The following EMID1 variants were observed in gnomAD, a reference collection of about 807,000 sequenced individuals.
EMID1 encodes the protein EMI domain containing 1, also known as EMI domain-containing protein 1.
A neutral mutation model predicts 60.6 loss-of-function variants in EMID1; 40 were observed. That is an observed-to-expected ratio of 0.66 (90% CI 0.51 to 0.86). The LOEUF (loss-of-function observed/expected upper bound fraction) is 0.86. Among genes scored for constraint, EMID1 ranks in the 40% least tolerant of loss-of-function variants. The pLI is 0.00. For missense variants in EMID1, 585 were observed against 597.1 expected (o/e 0.98, Z 0.21); for synonymous variants, 242 against 231.0 (o/e 1.05, Z -0.43).
intron 3 of EMID1, among the ~76,000 whole-genome samples, chr22:29,218,662 G>A (rs1208529458): frequency 1.3e-5 from 2 of 152,330 alleles, no homozygotes; most frequent in South Asian, 4.1e-4. Context: ...AGGGGTGGGC[G>A]CAATGCCAGG....
At chr22:29,231,290 A>G (rs557640164) in intron 6 of EMID1, 150 bp downstream of exon 6, 283 of 1,248,942 alleles carry the variant, frequency 2.3e-4, no homozygotes, top group South Asian at 1.5e-3. Context: ...AGACCCGCCT[A>G]AGAGGACCGT....
chr22:29,241,112 G>A (rs1290332504), intron 12 of EMID1, among the ~76,000 whole-genome samples: 2 of 152,124 alleles, frequency 1.3e-5, no homozygotes, highest in South Asian at 4.1e-4. Context: ...GTCTGACTGG[G>A]TCCCCCTGGA....
chr22:29,232,621 T>C, intron 8 of EMID1: 1 of 545,032 alleles, frequency 1.8e-6, no homozygotes. Flanking sequence ...TCCCACAGCC[T>C]GGGCGTAGGG....
At chr22:29,209,112 C>A (rs548184860) in intron 1 of EMID1, among the ~76,000 whole-genome samples, 1 of 152,302 alleles carries the variant, frequency 6.6e-6, no homozygotes, top group East Asian at 1.9e-4. Context: ...TGGCCCCGGG[C>A]CCGCTTGGCT....
rs545805115 is a variant in EMID1, at chr22:29,239,301, T to A, written c.1075-4144T>A. Among the ~76,000 whole-genome samples, 38 of 65,388 alleles carry A rather than the reference T, an allele frequency of 5.8e-4. 3 individuals carry two copies. The highest frequency in any genetic ancestry group is 3.9e-3 in the South Asian group (4 of 1,026). 42.9% of individuals were successfully genotyped at this position (65,388 alleles called of 152,430 possible). The stretch of plus-strand genomic sequence containing the variant: ...ATCTTTTTTTTCTTTTAAAAAAAAT[T>A]TTTTTTTAATGTAGAGGCAGGGTTT... On this transcript the variant is annotated intron_variant, in intron 12 of 14. Transcript: ENST00000334018.
At chr22:29,218,908 G>A (rs1468388439) in intron 3 of EMID1, among the ~76,000 whole-genome samples, 3 of 152,166 alleles carry the variant, frequency 2.0e-5, no homozygotes, top group Non-Finnish European at 4.4e-5. Flanking sequence ...AAGTATTGTC[G>A]CCAGGTTTCT....
chr22:29,218,871 G>A (rs955599942), intron 3 of EMID1, among the ~76,000 whole-genome samples: 2 of 152,312 alleles, frequency 1.3e-5, no homozygotes, highest in South Asian at 4.1e-4. Context: ...AGAGGGCGTG[G>A]GTCTCACATA....
chr22:29,215,865 G>A (rs758005109), intron 3 of EMID1, among the ~76,000 whole-genome samples: 3 of 152,260 alleles, frequency 2.0e-5, no homozygotes, highest in African/African-American at 7.2e-5. Context: ...TATATATGCT[G>A]CATAGCTCAC....
At chr22:29,257,997 C>A (rs990474885) in intron 14 of EMID1, among the ~76,000 whole-genome samples, 5 of 152,184 alleles carry the variant, frequency 3.3e-5, no homozygotes, top group African/African-American at 1.2e-4. Flanking sequence ...AGGGTCGGGG[C>A]ACTGGCAGTC....
intron 5 of EMID1, among the ~76,000 whole-genome samples, chr22:29,229,922 G>A (rs713992): frequency 0.73 from 110,314 of 152,122 alleles, 40,645 homozygotes; most frequent in African/African-American, 0.84. Context: ...TTGGTCCTCA[G>A]CAGCTGAGGG....
At chr22:29,233,504 T>C (rs772473666) in intron 9 of EMID1, 36 bp downstream of exon 9, 22 of 1,610,834 alleles carry the variant, frequency 1.4e-5, no homozygotes, top group Non-Finnish European at 1.9e-5. Context: ...AAGGGTGAAG[T>C]TGGTAGATGG....
At position 29,215,702 on chromosome 22, in the gene EMID1, C is replaced by T. The variant is rs779313109; in HGVS notation, c.319+72C>T. ...GTGCCTCCCTGCAGGTGCATGGAGC[C>T]GTGAACTATTAAGAGAGTCATGCAC... is the stretch of plus-strand genomic sequence containing the variant. On this transcript the variant is annotated intron_variant, in intron 3 of 14. Coordinates refer to ENST00000334018, the MANE Select transcript of EMID1 (RefSeq NM_133455.4). 6.0e-5 allele frequency: 73 copies of T among 1,216,370 alleles called. No individual in the cohort carries two copies. The East Asian group carries it at 1.1e-3, about 18-fold the overall frequency. 75.3% of individuals were successfully genotyped at this position (1,216,370 alleles called of 1,614,324 possible). A position where few individuals can be genotyped will look rare whatever the true frequency, so the allele number is the denominator to read the frequency against.
chr22:29,254,155 C>T, intron 13 of EMID1, 48 bp from the exon 14 acceptor site: 2 of 1,611,438 alleles, frequency 1.2e-6, no homozygotes, highest in Non-Finnish European at 1.7e-6. Context: ...TTTGCAGGGT[C>T]CCCTCCCCTG....
chr22:29,207,036 A>G (rs963816342), intron 1 of EMID1, among the ~76,000 whole-genome samples: 4 of 152,238 alleles, frequency 2.6e-5, no homozygotes, highest in African/African-American at 9.6e-5. Flanking sequence ...AATGTGGAGT[A>G]GCCAGGCCTC....
In EMID1 at chr22:29,222,648, CCCT is replaced by C. The variant is rs563251253; in HGVS notation, c.320-2480_320-2478del. ...CGGACTCCTGACCTCAGGTGATCCA[CCCT>C]CCTCGGCTTCCCAAAGTGCTGGGAT... On this transcript the variant is annotated intron_variant, in intron 3 of 14. Coordinates refer to ENST00000334018, the MANE Select transcript of EMID1 (RefSeq NM_133455.4). Among the ~76,000 whole-genome samples, 199 of 152,038 alleles carry C rather than the reference CCCT, an allele frequency of 1.3e-3. 1 individual carries two copies. The highest frequency in any genetic ancestry group is 2.1e-3 in the Non-Finnish European group (142 of 67,980).
At chr22:29,250,870 C>T (rs1385743422) in intron 13 of EMID1, among the ~76,000 whole-genome samples, 2 of 146,544 alleles carry the variant, frequency 1.4e-5, no homozygotes, top group South Asian at 2.2e-4. Flanking sequence ...GCTGGGATTA[C>T]AGGTGTGAGC....
intron 6 of EMID1, 163 bp from the exon 7 acceptor site, chr22:29,231,430 T>C: frequency 1.2e-6 from 1 of 848,348 alleles, no homozygotes; most frequent in Non-Finnish European, 2.0e-6. Flanking sequence ...GCAGGGACAC[T>C]GACCTCTGCC....
intron 13 of EMID1, 31 bp from the exon 14 acceptor site, chr22:29,254,172 T>A (rs768610161): frequency 4.3e-6 from 7 of 1,613,546 alleles, no homozygotes; most frequent in Non-Finnish European, 5.9e-6. Context: ...CCTGCCCCCT[T>A]CACGGCTGCA....
At chr22:29,217,442 C>A (rs1185909593) in intron 3 of EMID1, among the ~76,000 whole-genome samples, 1 of 152,242 alleles carries the variant, frequency 6.6e-6, no homozygotes, top group Admixed American at 6.5e-5. Context: ...AGCTGCATGG[C>A]CTTGGGCCGG....
Sources: gnomAD v4.1 joint callset for allele counts (sites outside exome capture counted in the v4.1 genomes callset) on GRCh38, gnomAD v4.1.1 for gene constraint, MANE v1.5 for transcripts, NCBI Gene and HGNC (gene_info 2026-07-23, HGNC 2026-07-21) for gene names.